The following PSD3 variants were observed in gnomAD, a reference collection of about 807,000 sequenced individuals.
PSD3 encodes PH and SEC7 domain-containing protein 3.
Under a neutral mutation model 105.5 loss-of-function variants are expected in PSD3, and 49 were observed. The observed-to-expected ratio is 0.46, with a 90% confidence interval of 0.37 to 0.59. The LOEUF (loss-of-function observed/expected upper bound fraction) is 0.59, where lower values mean the gene tolerates loss of function less well. PSD3 is among the 20% of genes least tolerant of loss of function. The probability of loss-of-function intolerance (pLI) is 0.00; values close to 1 mark genes in which losing one functional copy is unlikely to be tolerated. For missense variants in PSD3, 1,561 were observed against 1,263.8 expected (o/e 1.24, Z -3.57); for synonymous variants, 557 against 457.8 (o/e 1.22, Z -2.77).
chr8:18,974,804 A>G (rs927486248), intron 1 of PSD3, among the ~76,000 whole-genome samples: 2 of 152,094 alleles, frequency 1.3e-5, no homozygotes, highest in Non-Finnish European at 2.9e-5. Flanking sequence ...CCTGCTAGCT[A>G]TACATCCAGC....
chr8:18,976,496 T>G (rs1293309677), intron 1 of PSD3, among the ~76,000 whole-genome samples: 2 of 152,152 alleles, frequency 1.3e-5, no homozygotes, highest in African/African-American at 2.4e-5. Flanking sequence ...CTGACCCCCT[T>G]GAAGCTGGGA....
At chr8:18,628,858 C>CA (rs1268419954) in intron 11 of PSD3, among the ~76,000 whole-genome samples, 2 of 151,692 alleles carry the variant, frequency 1.3e-5, no homozygotes, top group East Asian at 3.9e-4. Flanking sequence ...GAACCACACA[C>CA]AAAAAATAAT....
chr8:19,029,493 A>T (rs1487057681), intron 1 of PSD3, among the ~76,000 whole-genome samples: 2 of 152,184 alleles, frequency 1.3e-5, no homozygotes, highest in African/African-American at 2.4e-5. Flanking sequence ...ACTTACAATC[A>T]TGGCGGAAGG....
At chr8:18,564,368 C>T (rs1310457093) in intron 14 of PSD3, among the ~76,000 whole-genome samples, 4 of 152,052 alleles carry the variant, frequency 2.6e-5, no homozygotes, top group Non-Finnish European at 5.9e-5. Context: ...GTGGCTCACG[C>T]CTGTAATCCC....
intron 9 of PSD3, among the ~76,000 whole-genome samples, chr8:18,725,166 C>A (rs1318000962): frequency 5.9e-5 from 9 of 152,178 alleles, no homozygotes; most frequent in Non-Finnish European, 1.5e-5. Context: ...AGCCTCTACT[C>A]CAATCCACCC....
At chr8:18,755,176 C>A (rs1805911500) in intron 9 of PSD3, among the ~76,000 whole-genome samples, 1 of 152,104 alleles carries the variant, frequency 6.6e-6, no homozygotes, top group African/African-American at 2.4e-5. Context: ...AGCCTGTAAT[C>A]CCAGTACTTT....
chr8:18,907,261 C>T (rs1276657365), intron 2 of PSD3, among the ~76,000 whole-genome samples: 5 of 152,200 alleles, frequency 3.3e-5, no homozygotes, highest in African/African-American at 1.2e-4. Context: ...CTCAGAGCAA[C>T]TTCCAGTCCC....
chr8:18,937,774 G>T (rs189422529), intron 1 of PSD3, among the ~76,000 whole-genome samples: 66 of 152,332 alleles, frequency 4.3e-4, no homozygotes, highest in African/African-American at 1.5e-3. Context: ...GCTAGTAAAA[G>T]AGGAACTCGG....
intron 8 of PSD3, among the ~76,000 whole-genome samples, chr8:18,783,922 C>T (rs764902996): frequency 1.6e-4 from 24 of 152,312 alleles, no homozygotes; most frequent in Non-Finnish European, 2.6e-4. Flanking sequence ...CCACTGCAAC[C>T]GGCCAACATA....
At chr8:18,866,881 A>AACAT (rs1264184198) in intron 4 of PSD3, among the ~76,000 whole-genome samples, 1 of 147,626 alleles carries the variant, frequency 6.8e-6, no homozygotes, top group East Asian at 2.0e-4. Flanking sequence ...GCTCCACACA[A>AACAT]ACATACATAC....
intron 9 of PSD3, among the ~76,000 whole-genome samples, chr8:18,751,365 T>C (rs1314579165): frequency 1.3e-5 from 2 of 152,160 alleles, no homozygotes; most frequent in Admixed American, 6.5e-5. Flanking sequence ...ACATAATATT[T>C]TGCTCAAAAG....
chr8:18,554,926 A>G (rs1800975521), intron 15 of PSD3, among the ~76,000 whole-genome samples: 1 of 152,188 alleles, frequency 6.6e-6, no homozygotes, highest in Non-Finnish European at 1.5e-5. Context: ...GAACAAAGGT[A>G]TAAACGTGTG....
chr8:18,967,721 A>G (rs1824367473), intron 1 of PSD3, among the ~76,000 whole-genome samples: 1 of 152,184 alleles, frequency 6.6e-6, no homozygotes, highest in Non-Finnish European at 1.5e-5. Flanking sequence ...GAATTCCTTT[A>G]TATTTACTAA....
At chr8:18,904,467 C>A (rs577111407) in intron 2 of PSD3, among the ~76,000 whole-genome samples, 12 of 152,112 alleles carry the variant, frequency 7.9e-5, no homozygotes, top group Admixed American at 5.2e-4. Flanking sequence ...CAAGACATGG[C>A]GTCAAGGACT....
chr8:18,936,058 A>T lies in PSD3; in HGVS notation c.106T>A (p.Ser36Thr). 1.2e-6 allele frequency: 2 copies of T among 1,612,634 alleles called. No homozygotes were observed. The highest frequency in any genetic ancestry group is 1.7e-6 in the Non-Finnish European group (2 of 1,179,036). Residue 36 changes from serine (S) to threonine (T), a missense_variant, in exon 2 of 16, where the codon TCT becomes ACT. Ser to Thr is a moderately conservative substitution (Grantham distance 58). Coordinates refer to ENST00000327040, the MANE Select transcript of PSD3 (RefSeq NM_015310.4). ...CTAGTATCTGGAGCTTTCCCTTCAG[A>T]TCTGCCAAATAAAAATTCATATTTG... is the stretch of plus-strand genomic sequence containing the variant. ...KAKYEFLFGR[S>T]EGKAPDTSDH... is the part of the protein sequence containing the mutation.
intron 14 of PSD3, among the ~76,000 whole-genome samples, chr8:18,563,931 G>A (rs544913678): frequency 6.6e-6 from 1 of 152,248 alleles, no homozygotes; most frequent in African/African-American, 2.4e-5. Context: ...ATTCCAAAGT[G>A]GGGTGTGTGT....
intron 1 of PSD3, among the ~76,000 whole-genome samples, chr8:19,048,648 T>C (rs1828411090): frequency 1.3e-5 from 2 of 151,658 alleles, no homozygotes; most frequent in African/African-American, 2.4e-5. Flanking sequence ...GCCGTAGAGA[T>C]ACACTTTGCC....
intron 2 of PSD3, among the ~76,000 whole-genome samples, chr8:18,908,202 G>A (rs1819969903): frequency 6.6e-6 from 1 of 152,134 alleles, no homozygotes; most frequent in African/African-American, 2.4e-5. Flanking sequence ...CAACAATAGA[G>A]GCAAATTCTA....
chr8:19,051,376 T>C (rs906675933), intron 1 of PSD3, among the ~76,000 whole-genome samples: 1 of 152,222 alleles, frequency 6.6e-6, no homozygotes, highest in Admixed American at 6.5e-5. Flanking sequence ...TGCCCCTTTT[T>C]AGCTTATACT....
Sources: gnomAD v4.1 joint callset for allele counts (sites outside exome capture counted in the v4.1 genomes callset) on GRCh38, gnomAD v4.1.1 for gene constraint, MANE v1.5 for transcripts, NCBI Gene and HGNC (gene_info 2026-07-23, HGNC 2026-07-21) for gene names.